STPG2: variants seen among roughly 807,000 people sequenced by gnomAD.
STPG2 encodes sperm-tail PG-rich repeat-containing protein 2.
STPG2 carries 56 observed loss-of-function variants against 54.2 expected under a neutral mutation model. That is an observed-to-expected ratio of 1.03 (90% CI 0.83 to 1.29). The LOEUF is 1.29. Among genes scored for constraint, STPG2 ranks in the 50% most tolerant of loss-of-function variants. The probability of loss-of-function intolerance (pLI) is 0.00; values close to 1 mark genes in which losing one functional copy is unlikely to be tolerated. For missense variants in STPG2, 596 were observed against 544.9 expected, an observed-to-expected ratio of 1.09 and a Z score of -0.93; for synonymous variants, 200 against 181.8, an observed-to-expected ratio of 1.10 and a Z score of -0.81.
chr4:97,558,850 T>C, downstream of STPG2: 2 of 518,586 alleles, frequency 3.9e-6, no homozygotes, highest in East Asian at 6.9e-5. Context: ...AGATAAATAA[T>C]ACAATATGAC....
chr4:97,479,115 T>C (rs373434736), intron 4 of STPG2, among the ~76,000 whole-genome samples: 2 of 151,924 alleles, frequency 1.3e-5, no homozygotes, highest in East Asian at 3.9e-4. Flanking sequence ...CATAGCAGAA[T>C]ATGTGTGTGG....
chr4:97,863,199 G>T (rs1187443611), intron 8 of STPG2, among the ~76,000 whole-genome samples: 1 of 152,082 alleles, frequency 6.6e-6, no homozygotes, highest in Non-Finnish European at 1.5e-5. Context: ...TAGACCGCTA[G>T]CAAGACTAAT....
chr4:98,134,610 A>T, intron 1 of STPG2, 151 bp from the exon 2 acceptor site: 1 of 343,392 alleles, frequency 2.9e-6, no homozygotes, highest in East Asian at 4.7e-5. Context: ...TACATTTTTT[A>T]AAATCTGATA....
intron 9 of STPG2, among the ~76,000 whole-genome samples, chr4:97,736,749 G>A (rs1185277755): frequency 6.6e-6 from 1 of 152,220 alleles, no homozygotes; most frequent in Non-Finnish European, 1.5e-5. Flanking sequence ...AAGGAGGCCT[G>A]CCTGCCTCTG....
intron 9 of STPG2, among the ~76,000 whole-genome samples, chr4:97,735,716 T>G (rs1158077004): frequency 6.6e-6 from 1 of 151,028 alleles, no homozygotes; most frequent in Non-Finnish European, 1.5e-5. Flanking sequence ...TATGTGTATA[T>G]CATTACAATA....
At chr4:97,727,959 CA>C (rs1415628991) in intron 9 of STPG2, among the ~76,000 whole-genome samples, 1 of 151,824 alleles carries the variant, frequency 6.6e-6, no homozygotes, top group Non-Finnish European at 1.5e-5. Context: ...TAGTTCACAT[CA>C]AAAAGCCATT....
intron 10 of STPG2, among the ~76,000 whole-genome samples, chr4:97,703,135 G>A (rs1266277658): frequency 6.6e-6 from 1 of 151,922 alleles, no homozygotes; most frequent in Non-Finnish European, 1.5e-5. Flanking sequence ...TGCTTCTCAC[G>A]AGCAGTGAAT....
chr4:97,801,562 G>C (rs1045852333), intron 9 of STPG2, among the ~76,000 whole-genome samples: 2 of 152,156 alleles, frequency 1.3e-5, no homozygotes, highest in African/African-American at 4.8e-5. Context: ...CAAATCTAGG[G>C]CAGTATTTTG....
chr4:97,640,500 G>C (rs1313858751), intron 10 of STPG2, among the ~76,000 whole-genome samples: 1 of 151,650 alleles, frequency 6.6e-6, no homozygotes, highest in Non-Finnish European at 1.5e-5. Flanking sequence ...CCTTTAATAA[G>C]GGAGATAAAT....
At chr4:97,445,036 CA>C (rs1729185533) in intron 4 of STPG2, among the ~76,000 whole-genome samples, 2 of 151,958 alleles carry the variant, frequency 1.3e-5, no homozygotes, top group African/African-American at 4.8e-5. Context: ...GACTCCATCT[CA>C]AATAATAATA....
At chr4:97,739,607 A>C (rs1331332924) in intron 9 of STPG2, among the ~76,000 whole-genome samples, 1 of 152,216 alleles carries the variant, frequency 6.6e-6, no homozygotes, top group South Asian at 2.1e-4. Context: ...TAAACTAGAA[A>C]ATCTTGAAGA....
At chr4:97,772,134 C>A (rs1726239861) in intron 9 of STPG2, among the ~76,000 whole-genome samples, 1 of 152,076 alleles carries the variant, frequency 6.6e-6, no homozygotes, top group African/African-American at 2.4e-5. Flanking sequence ...GAATTTGGTC[C>A]ATTTGAAGAG....
At chr4:97,733,433 T>C (rs1394871590) in intron 9 of STPG2, among the ~76,000 whole-genome samples, 1 of 151,722 alleles carries the variant, frequency 6.6e-6, no homozygotes, top group Admixed American at 6.6e-5. Flanking sequence ...CTTTAGAATG[T>C]AGAAGGGGGA....
rs1052327378 is a variant in STPG2, at chr4:97,532,387, C to T, written c.462+180312G>A. ...TACCAACTAAATCAGCATTGTATTC[C>T]TTTTAATTTTAAATAAATTCTTTTC... On this transcript the variant is annotated intron_variant, in intron 4 of 4. Transcript: ENST00000522676. Among the ~76,000 whole-genome samples the T allele has an allele frequency of 3.3e-5, 5 of 151,930 alleles. 1 individual carries two copies. In the South Asian group the frequency reaches 6.2e-4, roughly 19 times the overall value.
chr4:97,944,485 G>C (rs1319660954), intron 7 of STPG2, among the ~76,000 whole-genome samples: 2 of 151,874 alleles, frequency 1.3e-5, no homozygotes, highest in Non-Finnish European at 2.9e-5. Flanking sequence ...ATGCATTGAA[G>C]ATTTAAATTA....
chr4:97,742,554 TG>T (rs1725286459), intron 9 of STPG2, among the ~76,000 whole-genome samples: 2 of 145,740 alleles, frequency 1.4e-5, no homozygotes, highest in African/African-American at 2.5e-5. Flanking sequence ...TGTGTGTGTG[TG>T]TGTGTGTGTG....
chr4:97,837,662 C>T (rs1400424783), intron 9 of STPG2, among the ~76,000 whole-genome samples: 1 of 151,576 alleles, frequency 6.6e-6, no homozygotes, highest in Non-Finnish European at 1.5e-5. Context: ...TATACTGAGT[C>T]TAGATGTACT....
intron 5 of STPG2, among the ~76,000 whole-genome samples, chr4:98,098,995 T>G (rs1337818232): frequency 1.3e-5 from 2 of 152,030 alleles, no homozygotes; most frequent in African/African-American, 2.4e-5. Context: ...AGGAAACCCT[T>G]GTACACTGAT....
intron 10 of STPG2, among the ~76,000 whole-genome samples, chr4:97,581,110 G>A (rs1039739702): frequency 4.0e-5 from 6 of 151,880 alleles, no homozygotes; most frequent in Non-Finnish European, 8.8e-5. Context: ...AGCCATTTGT[G>A]GCTATTTCCA....
Sources: allele counts gnomAD v4.1 joint callset (sites outside exome capture counted in the v4.1 genomes callset), GRCh38; gene constraint gnomAD v4.1.1; transcripts MANE v1.5; gene names NCBI Gene and HGNC (gene_info 2026-07-23, HGNC 2026-07-21).